ARMC9: variants seen among roughly 807,000 people sequenced by gnomAD.
ARMC9 encodes the protein armadillo repeat containing 9.
Under a neutral mutation model 107.0 loss-of-function variants are expected in ARMC9, and 94 were observed. That is an observed-to-expected ratio of 0.88 (90% confidence interval 0.74 to 1.04). The LOEUF is 1.04. ARMC9 is among the 50% of genes least tolerant of loss of function. The pLI, the probability that ARMC9 is intolerant of heterozygous loss-of-function variation, is 0.00. For synonymous variants in ARMC9, 380 were observed against 396.9 expected (o/e 0.96, Z 0.51); for missense variants, 942 against 1,030.1 (o/e 0.91, Z 1.17).
intron 7 of ARMC9, among the ~76,000 whole-genome samples, chr2:231,230,064 A>G (rs983864157): frequency 3.9e-5 from 6 of 152,148 alleles, no homozygotes; most frequent in African/African-American, 9.7e-5. Flanking sequence ...ATCTCCATTA[A>G]AAGTTGAGGT....
At chr2:231,281,315 C>A (rs1559399373) in intron 16 of ARMC9, among the ~76,000 whole-genome samples, 1 of 152,238 alleles carries the variant, frequency 6.6e-6, no homozygotes, top group Non-Finnish European at 1.5e-5. Flanking sequence ...GAAGACCATT[C>A]CTGGCAAGGT....
intron 22 of ARMC9, 88 bp downstream of exon 22, chr2:231,356,022 G>C: frequency 6.9e-7 from 1 of 1,441,586 alleles, no homozygotes; most frequent in African/African-American, 1.4e-5. Context: ...GCAGACGCAC[G>C]TCTGCTCCTG....
chr2:231,366,770 G>A (rs1221711387), intron 23 of ARMC9, among the ~76,000 whole-genome samples: 2 of 151,442 alleles, frequency 1.3e-5, no homozygotes, highest in Admixed American at 1.3e-4. Flanking sequence ...GAACCCATGA[G>A]GCGGAGGTTG....
intron 9 of ARMC9, chr2:231,256,160 G>T (rs2037779371): frequency 5.2e-6 from 8 of 1,528,412 alleles, no homozygotes; most frequent in Non-Finnish European, 6.2e-6. Flanking sequence ...GGGCAGGACC[G>T]GCTCTCAGGG....
chr2:231,202,686 G>A (rs1229317073), intron 1 of ARMC9, among the ~76,000 whole-genome samples: 1 of 152,002 alleles, frequency 6.6e-6, no homozygotes, highest in East Asian at 1.9e-4. Context: ...CTATCCCTCT[G>A]AATGCCGTTC....
chr2:231,209,210 C>T lies in ARMC9; in HGVS notation c.177+958C>T, dbSNP rs547863141. On this transcript the variant is annotated intron_variant, in intron 3 of 24. Coordinates refer to ENST00000611582, the MANE Select transcript of ARMC9 (RefSeq NM_001352754.2). ...GAGCCACCATGCCCAGCCAGAACCT[C>T]GTTTCTATAAAAAATAAAAAATTGG... Among the ~76,000 whole-genome samples, 10 of 152,006 alleles carry T rather than the reference C, an allele frequency of 6.6e-5. No homozygotes were observed. In the East Asian group the frequency reaches 9.7e-4, roughly 15 times the overall value.
At chr2:231,232,954 G>A (rs2035374893) in intron 7 of ARMC9, among the ~76,000 whole-genome samples, 1 of 152,102 alleles carries the variant, frequency 6.6e-6, no homozygotes, top group African/African-American at 2.4e-5. Context: ...GGGTTCAAGC[G>A]ATTCTCCTGC....
Position 231,370,040 on chromosome 2 carries a change from A to T in ARMC9, c.2349A>T (p.Ser783=), listed in dbSNP as rs575577896. 4 of 1,535,612 alleles carry T rather than the reference A, an allele frequency of 2.6e-6. No homozygotes were observed. In the African/African-American group the frequency reaches 4.1e-5, roughly 16 times the overall value. Residue 783 remains serine, a synonymous_variant, in exon 24 of 25, where the codon TCA becomes TCT. Transcript: ENST00000611582. ...GGAACCCACCCAAGGCAAAGGCGTC[A>T]GTTCTGGCCCCTCTGTTCTCTTCGT... is the stretch of plus-strand genomic sequence containing the variant. The part of the protein sequence containing the change: ...LDWNPPKAKA[S]VLAPLFSSCG...
rs1342657199 is a variant in ARMC9, at chr2:231,233,782, A to G, written c.623-1442A>G. On this transcript the variant is annotated intron_variant, in intron 7 of 24. Transcript: ENST00000611582. The stretch of plus-strand genomic sequence containing the variant: ...CAAGAGCAAAACTCCATCTCAAAAA[A>G]AAAAAAAGTTATCCACTTATATAGA... Among the ~76,000 whole-genome samples, 3 of 152,140 alleles carry G rather than the reference A, an allele frequency of 2.0e-5. No individual in the cohort carries two copies. In the East Asian group the frequency reaches 5.8e-4, roughly 29 times the overall value.
chr2:231,213,679 G>A lies in ARMC9; in HGVS notation c.178-1152G>A, dbSNP rs2033171021. 2.0e-5 allele frequency among the ~76,000 whole-genome samples: 3 copies of A among 151,980 alleles called. 1 individual carries two copies. In the South Asian group the frequency reaches 6.2e-4, roughly 32 times the overall value. ...TTTAGTGGAGACAGGGTTTCATCAT[G>A]TTGATCAGGCTGGTCTCGAACTCCT... On this transcript the variant is annotated intron_variant, in intron 3 of 24. Transcript: ENST00000611582.
rs148133145 is a variant in ARMC9 at position 231,354,322 on chromosome 2, C to G, written c.1995-1476C>G. 7.6e-3 allele frequency among the ~76,000 whole-genome samples: 1,142 copies of G among 149,884 alleles called. 8 individuals carry two copies. Among genetic ancestry groups the G allele is most frequent in the African/African-American group, 0.012 (499 of 40,876 alleles). ...GCACCTCGGGAAGACTTTCCTGCCCCCCTCAGGCTGGTTACATGTCTCCTT... is the reference window on the plus strand; with the variant it reads ...GCACCTCGGGAAGACTTTCCTGCCCGCCTCAGGCTGGTTACATGTCTCCTT... On this transcript the variant is annotated intron_variant, in intron 21 of 24. Coordinates refer to ENST00000611582, the MANE Select transcript of ARMC9 (RefSeq NM_001352754.2).
chr2:231,199,130 A>G (rs1053074345), intron 1 of ARMC9, among the ~76,000 whole-genome samples: 2 of 152,176 alleles, frequency 1.3e-5, no homozygotes, highest in Non-Finnish European at 2.9e-5. Context: ...GAAAAACAGG[A>G]TGCGTGCTAT....
intron 5 of ARMC9, among the ~76,000 whole-genome samples, chr2:231,222,125 T>C (rs1047761133): frequency 6.6e-6 from 1 of 152,208 alleles, no homozygotes; most frequent in African/African-American, 2.4e-5. Context: ...GAGACAAAGA[T>C]TGTTACTTGT....
intron 1 of ARMC9, among the ~76,000 whole-genome samples, chr2:231,204,430 G>A (rs1486470832): frequency 6.6e-6 from 1 of 152,104 alleles, no homozygotes; most frequent in Admixed American, 6.5e-5. Flanking sequence ...AGATCCAGGT[G>A]CTCAATCTTT....
intron 19 of ARMC9, among the ~76,000 whole-genome samples, chr2:231,312,053 C>G (rs1366740164): frequency 1.3e-5 from 2 of 152,164 alleles, no homozygotes; most frequent in Non-Finnish European, 2.9e-5. Context: ...CCCCAAAAAA[C>G]TACCCCAAAT....
chr2:231,240,285 G>C (rs1292017257), intron 9 of ARMC9: 1 of 521,030 alleles, frequency 1.9e-6, no homozygotes, highest in Non-Finnish European at 3.4e-6. Flanking sequence ...CCACTCAGTG[G>C]GGGTTCCCAG....
intron 13 of ARMC9, among the ~76,000 whole-genome samples, chr2:231,271,361 A>ATTGCTT (rs2039314907): frequency 6.6e-6 from 1 of 152,224 alleles, no homozygotes; most frequent in Non-Finnish European, 1.5e-5. Context: ...TTTCAAGTAT[A>ATTGCTT]TCACAGGTAA....
At chr2:231,221,955 G>A (rs1574649185) in intron 5 of ARMC9, among the ~76,000 whole-genome samples, 1 of 152,076 alleles carries the variant, frequency 6.6e-6, no homozygotes, top group Non-Finnish European at 1.5e-5. Context: ...GAGCTGGAGA[G>A]GCAGAGACAG....
At chr2:231,251,169 C>CT (rs1190568189) in intron 9 of ARMC9, among the ~76,000 whole-genome samples, 127 of 151,804 alleles carry the variant, frequency 8.4e-4, no homozygotes, top group African/African-American at 2.9e-3. Context: ...TTTTCTGTTT[C>CT]TTTTCCTTTT....
Sources: gnomAD v4.1 joint callset for allele counts (sites outside exome capture counted in the v4.1 genomes callset) on GRCh38, gnomAD v4.1.1 for gene constraint, MANE v1.5 for transcripts, NCBI Gene and HGNC (gene_info 2026-07-23, HGNC 2026-07-21) for gene names.